FANCC: variants seen among roughly 807,000 people sequenced by gnomAD.
FANCC encodes FA complementation group C, also known as Fanconi anemia group C protein.
FANCC carries 55 observed loss-of-function variants against 71.3 expected under a neutral mutation model. The ratio of observed to expected loss-of-function variants is 0.77; its 90% CI spans 0.62 to 0.97. The LOEUF (loss-of-function observed/expected upper bound fraction) is 0.97, where lower values mean the gene tolerates loss of function less well. Among genes scored for constraint, FANCC ranks in the 50% least tolerant of loss-of-function variants. The pLI is 0.00. For missense variants in FANCC, 678 were observed against 670.9 expected (o/e 1.01, Z -0.12); for synonymous variants, 275 against 244.9 (o/e 1.12, Z -1.15).
chr9:95,147,276 G>GGCAA (rs1829691699), intron 7 of FANCC, among the ~76,000 whole-genome samples: 1 of 152,142 alleles, frequency 6.6e-6, no homozygotes, highest in African/African-American at 2.4e-5. Context: ...CCAGCACTTT[G>GGCAA]GGAGGCCGAG....
chr9:95,268,117 T>C (rs1049674984), intron 1 of FANCC, among the ~76,000 whole-genome samples: 2 of 152,210 alleles, frequency 1.3e-5, no homozygotes, highest in Non-Finnish European at 2.9e-5. Context: ...TACCAGTTGG[T>C]GGATATAGGT....
At chr9:95,253,881 C>T (rs1218684607) in intron 1 of FANCC, among the ~76,000 whole-genome samples, 4 of 152,220 alleles carry the variant, frequency 2.6e-5, no homozygotes, top group South Asian at 2.1e-4. Context: ...TCATATGGAG[C>T]GTGCAACCTA....
chr9:95,257,542 G>A (rs2136147259), intron 1 of FANCC, among the ~76,000 whole-genome samples: 1 of 152,208 alleles, frequency 6.6e-6, no homozygotes, highest in South Asian at 2.1e-4. Flanking sequence ...GTATTTAGAG[G>A]GAAATTTATA....
At position 95,099,179 on chromosome 9, in the gene FANCC, T is replaced by C. The variant is rs1057515696; in HGVS notation, c.*2528A>G. On this transcript the variant is annotated 3_prime_UTR_variant, in exon 15 of 15. Transcript: ENST00000289081. ...AATAACAGCCTGGTTGGAGGGGCGC[T>C]CTCCGCCTCTTCTGTATTTTTGGCT... The C allele has an allele frequency of 9.2e-6, 2 of 216,912 alleles. No homozygotes were observed. Among genetic ancestry groups the C allele is most frequent in the Non-Finnish European group, 1.9e-5 (2 of 107,950 alleles). The allele number at this position is 216,912 out of a possible 1,614,324, so 13.4% of individuals were successfully genotyped here.
At chr9:95,163,687 TA>T (rs926972953) in intron 6 of FANCC, among the ~76,000 whole-genome samples, 24 of 152,126 alleles carry the variant, frequency 1.6e-4, no homozygotes, top group African/African-American at 5.8e-4. Flanking sequence ...CCATCTCTAC[TA>T]AAAATACAAA....
chr9:95,288,767 T>TTC (rs975018922), intron 1 of FANCC, among the ~76,000 whole-genome samples: 1 of 152,106 alleles, frequency 6.6e-6, no homozygotes, highest in Non-Finnish European at 1.5e-5. Flanking sequence ...CCAATGACTC[T>TTC]TCTCTTTGTT....
intron 4 of FANCC, among the ~76,000 whole-genome samples, chr9:95,203,384 A>AAAAAAG (rs1827919513): frequency 6.6e-6 from 1 of 151,530 alleles, no homozygotes; most frequent in East Asian, 1.9e-4. Context: ...GTCTCAAAAA[A>AAAAAAG]AAAAAAAAAA....
intron 1 of FANCC, among the ~76,000 whole-genome samples, chr9:95,297,638 TA>T (rs1425602441): frequency 6.6e-6 from 1 of 152,214 alleles, no homozygotes; most frequent in African/African-American, 2.4e-5. Flanking sequence ...TACTTTGTAA[TA>T]AAAACATTAA....
intron 1 of FANCC, among the ~76,000 whole-genome samples, chr9:95,305,661 A>G (rs1835033989): frequency 6.6e-6 from 1 of 152,200 alleles, no homozygotes. Context: ...AAGTTAAATG[A>G]CCATCAAGAA....
intron 8 of FANCC, among the ~76,000 whole-genome samples, chr9:95,133,027 G>A (rs1185530029): frequency 6.6e-6 from 1 of 152,254 alleles, no homozygotes; most frequent in East Asian, 1.9e-4. Context: ...CTGGAGCACA[G>A]CGCAGCAGTC....
chr9:95,128,829 T>C (rs1277929018), intron 8 of FANCC, among the ~76,000 whole-genome samples: 1 of 152,212 alleles, frequency 6.6e-6, no homozygotes, highest in Non-Finnish European at 1.5e-5. Context: ...ATTTTAGCTT[T>C]TAAAACAGGT....
intron 4 of FANCC, among the ~76,000 whole-genome samples, chr9:95,238,171 T>C (rs187016394): frequency 6.6e-6 from 1 of 152,120 alleles, no homozygotes; most frequent in Non-Finnish European, 1.5e-5. Flanking sequence ...TCTCTCTAGT[T>C]CCCCTGGGCC....
At chr9:95,193,962 T>A (rs1406140530) in intron 4 of FANCC, among the ~76,000 whole-genome samples, 3 of 152,166 alleles carry the variant, frequency 2.0e-5, no homozygotes, top group Non-Finnish European at 4.4e-5. Context: ...ATGACACCAC[T>A]TTCTTCTCTC....
At chr9:95,240,276 A>G (rs1830561759) in intron 4 of FANCC, among the ~76,000 whole-genome samples, 1 of 152,246 alleles carries the variant, frequency 6.6e-6, no homozygotes, top group Non-Finnish European at 1.5e-5. Context: ...ATAGATTTTG[A>G]GAGAGGCATG....
chr9:95,126,613 A>C lies in FANCC; in HGVS notation c.844-32T>G, dbSNP rs777183918. On this transcript the variant is annotated intron_variant, in intron 8 of 14. Transcript: ENST00000289081. ...AAGGAGAAGACCATGAGAATGTGAA[A>C]TATCACAAGCACTTTCTCAGAAACT... 7.5e-6 allele frequency: 12 copies of C among 1,608,946 alleles called. No individual in the cohort carries two copies. In the South Asian group the frequency reaches 1.3e-4, roughly 18 times the overall value.
At chr9:95,251,322 T>C (rs1215458332) in intron 1 of FANCC, among the ~76,000 whole-genome samples, 1 of 152,214 alleles carries the variant, frequency 6.6e-6, no homozygotes, top group African/African-American at 2.4e-5. Context: ...TTTTATGTTA[T>C]GTATTTTTTT....
intron 10 of FANCC, among the ~76,000 whole-genome samples, chr9:95,124,356 A>G (rs1399653832): frequency 6.6e-6 from 1 of 152,116 alleles, no homozygotes; most frequent in Non-Finnish European, 1.5e-5. Context: ...GGCCAAATAT[A>G]TATGCTGAAA....
rs1346900577 is a variant in FANCC at position 95,253,529 on chromosome 9, C to T, written c.-78-4160G>A. Reference sequence around the variant, plus strand: ...TGAGGAGAAGTTGAATGTTCTGCTCCTCTACAGGTAAAGTGCATTTTTCTT... The same window carrying T: ...TGAGGAGAAGTTGAATGTTCTGCTCTTCTACAGGTAAAGTGCATTTTTCTT... On this transcript the variant is annotated intron_variant, in intron 1 of 14. Coordinates refer to ENST00000289081, the MANE Select transcript of FANCC (RefSeq NM_000136.3). Among the ~76,000 whole-genome samples the T allele has an allele frequency of 3.9e-5, 6 of 152,186 alleles. No individual in the cohort carries two copies. In the South Asian group the frequency reaches 1.0e-3, roughly 26 times the overall value.
At chr9:95,291,962 A>AT (rs1402950479) in intron 1 of FANCC, among the ~76,000 whole-genome samples, 68 of 108,710 alleles carry the variant, frequency 6.3e-4, no homozygotes, top group Admixed American at 8.7e-4. Context: ...AAAAAAAAAA[A>AT]AAAAAATATA....
Sources: allele counts gnomAD v4.1 joint callset (sites outside exome capture counted in the v4.1 genomes callset), GRCh38; gene constraint gnomAD v4.1.1; transcripts MANE v1.5; gene names NCBI Gene and HGNC (gene_info 2026-07-23, HGNC 2026-07-21).